KNDC1: variants seen among roughly 807,000 people sequenced by gnomAD.
KNDC1 encodes kinase non-catalytic C-lobe domain containing 1, also known as kinase non-catalytic C-lobe domain-containing protein 1.
KNDC1 carries 106 observed loss-of-function variants against 172.8 expected under a neutral mutation model. That is an observed-to-expected ratio of 0.61 (90% CI 0.52 to 0.72). The LOEUF is 0.72. Ranked by LOEUF, KNDC1 falls within the 30% of genes least tolerant of loss-of-function variation. The pLI is 0.00. For missense variants in KNDC1, 2,325 were observed against 2,394.5 expected (o/e 0.97, Z 0.61); for synonymous variants, 1,083 against 1,062.2 (o/e 1.02, Z -0.38).
At chr10:133,188,721 C>T (rs1418282901) in intron 7 of KNDC1, 68 bp downstream of exon 7, 10 of 676,414 alleles carry the variant, frequency 1.5e-5, no homozygotes, top group African/African-American at 7.2e-5. Context: ...CCCCCACCGC[C>T]GTCCCACACC....
chr10:133,188,782 C>A, intron 7 of KNDC1, 129 bp downstream of exon 7: 1 of 591,128 alleles, frequency 1.7e-6, no homozygotes, highest in Non-Finnish European at 3.1e-6. Context: ...TGTCCCATCA[C>A]CCCTGCCGTC....
At chr10:133,183,151 C>T (rs988251480) in intron 3 of KNDC1, among the ~76,000 whole-genome samples, 193 bp from the exon 4 acceptor site, 20 of 151,018 alleles carry the variant, frequency 1.3e-4, no homozygotes, top group African/African-American at 3.9e-4. Flanking sequence ...GCAGCGTGGG[C>T]GCGGGCGGCG....
intron 1 of KNDC1, among the ~76,000 whole-genome samples, chr10:133,162,889 T>C (rs993777465): frequency 5.9e-5 from 9 of 152,222 alleles, no homozygotes; most frequent in Admixed American, 2.0e-4. Context: ...GTGAGAACAC[T>C]CTCAGCTGGA....
intron 10 of KNDC1, among the ~76,000 whole-genome samples, chr10:133,196,605 A>C (rs1488616182): frequency 6.6e-6 from 1 of 152,146 alleles, no homozygotes; most frequent in African/African-American, 2.4e-5. Flanking sequence ...GGAGGATGAG[A>C]TCTAGACACG....
chr10:133,201,576 C>T lies in KNDC1; in HGVS notation c.3065C>T (p.Ser1022Leu), dbSNP rs1285754183. The T allele has an allele frequency of 4.3e-6, 7 of 1,612,766 alleles. No individual in the cohort carries two copies. The highest frequency in any genetic ancestry group is 1.1e-5 in the South Asian group (1 of 91,064). The change falls in exon 17 of 30, where the codon TCG becomes TTG. Residue 1022 changes from serine to leucine, a missense_variant. By Grantham distance (145) the Ser-to-Leu change is moderately radical. Transcript: ENST00000304613. ...CSPTSVSDVD[S>L]DALSRGNFEV... is the part of the protein sequence containing the mutation. ...CCCACCTCGGTGTCGGATGTGGACT[C>T]GGACGCACTGTCACGGGGAAACTTC...
At chr10:133,222,490 GGTGTGTGT>G (rs372988806) in intron 29 of KNDC1, among the ~76,000 whole-genome samples, 205 of 22,098 alleles carry the variant, frequency 9.3e-3, no homozygotes, top group African/African-American at 0.026. Flanking sequence ...TGCTCTTCCC[GGTGTGTGT>G]GTGTGTGTGT....
rs946058288 is a variant in KNDC1, at chr10:133,214,110, C to A, written c.4665C>A (p.Ser1555Arg). 1.2e-6 allele frequency: 2 copies of A among 1,614,068 alleles called. No homozygotes were observed. Among genetic ancestry groups the A allele is most frequent in the African/African-American group, 2.7e-5 (2 of 75,066 alleles). ...STWVAAEIVT[S>R]HTSKLQVNLL... is the part of the protein sequence containing the mutation. The stretch of plus-strand genomic sequence containing the variant: ...GGGTGGCTGCAGAGATTGTGACCAG[C>A]CACACCTCCAAGGTGGGCACCCTAC... Residue 1555 changes from serine to arginine, a missense_variant, in exon 26 of 30, where the codon AGC (serine) becomes AGA (arginine). Physicochemically the swap from Ser to Arg is moderately radical, Grantham distance 110 (BLOSUM62 -1). Coordinates refer to ENST00000304613, the MANE Select transcript of KNDC1 (RefSeq NM_152643.8).
In KNDC1 at chr10:133,175,191, GATGGGTGC is replaced by G. The variant is rs1435813510; in HGVS notation, c.360+6884_360+6891del. ...GGATATGTGGATGGATGAGTGGGTG[GATGGGTGC>G]ATGGTGGATATGTGGATGGATGGGT... On this transcript the variant is annotated intron_variant, in intron 3 of 29. Transcript: ENST00000304613. Among the ~76,000 whole-genome samples, 114 of 141,412 alleles carry G rather than the reference GATGGGTGC, an allele frequency of 8.1e-4. 2 individuals are homozygous for G. In the East Asian group the frequency reaches 0.019, roughly 24 times the overall value. 92.8% of individuals were successfully genotyped at this position (141,412 alleles called of 152,430 possible).
chr10:133,183,232 G>T, intron 3 of KNDC1, 112 bp from the exon 4 acceptor site: 1 of 1,293,434 alleles, frequency 7.7e-7, no homozygotes. Flanking sequence ...CTTCCCCTCA[G>T]GGGAATCTCA....
chr10:133,207,702 G>A (rs1188280766), intron 20 of KNDC1, among the ~76,000 whole-genome samples: 2 of 152,256 alleles, frequency 1.3e-5, no homozygotes, highest in African/African-American at 4.8e-5. Flanking sequence ...CCAACTCACC[G>A]AGTCAGAACA....
intron 9 of KNDC1, among the ~76,000 whole-genome samples, chr10:133,193,074 A>G (rs1179038665): frequency 6.7e-6 from 1 of 148,654 alleles, no homozygotes; most frequent in Admixed American, 6.8e-5. Context: ...AAAGAGAGAG[A>G]AACAGCAGCT....
rs764428140 is a variant in KNDC1, at chr10:133,218,920, C to T, written c.4767C>T (p.Ser1589=). The part of the protein sequence containing the change: ...RNFATAMQIL[S]GLEHLAVRQS... ...TCGCGACAGCCATGCAGATCCTGAG[C>T]GGGCTGGAGCACCTGGCCGTGAGGC... is the stretch of plus-strand genomic sequence containing the variant. Residue 1589 remains serine, a synonymous_variant, in exon 27 of 30, where the codon AGC becomes AGT. Coordinates refer to ENST00000304613, the MANE Select transcript of KNDC1 (RefSeq NM_152643.8). 30 of 1,613,682 alleles carry T rather than the reference C, an allele frequency of 1.9e-5. No homozygotes were observed. The highest frequency in any genetic ancestry group is 5.0e-5 in the Admixed American group (3 of 60,002).
intron 3 of KNDC1, among the ~76,000 whole-genome samples, chr10:133,177,991 G>GGT (rs1296136801): frequency 6.8e-6 from 1 of 147,616 alleles, no homozygotes; most frequent in African/African-American, 2.5e-5. Context: ...TGTGCAGTGT[G>GGT]GTGTGCATGT....
rs60994797 is a variant in KNDC1, at chr10:133,225,994, A to G, written c.*1104A>G. ...GGGCTCTCACGGTGCCAATCACAAG[A>G]CCCAGGGTTGTGCTTTTGAGTTTTA... On this transcript the variant is annotated 3_prime_UTR_variant, in exon 30 of 30. Coordinates refer to ENST00000304613, the MANE Select transcript of KNDC1 (RefSeq NM_152643.8). 1 of 152,268 alleles carries G rather than the reference A, an allele frequency of 6.6e-6. No individual in the cohort carries two copies. Among genetic ancestry groups the G allele is most frequent in the African/African-American group, 2.4e-5 (1 of 41,542 alleles). 9.4% of individuals were successfully genotyped at this position (152,268 alleles called of 1,614,324 possible).
At position 133,204,780 on chromosome 10, in the gene KNDC1, G is replaced by A. The variant is rs569872179; in HGVS notation, c.3388-1905G>A. ...CTGAGCCAACCGCACTTCACAAAAG[G>A]AAGCCTGGTGGACCGGCTCGCGGAT... On this transcript the variant is annotated intron_variant, in intron 17 of 29. Coordinates refer to ENST00000304613, the MANE Select transcript of KNDC1 (RefSeq NM_152643.8). Among the ~76,000 whole-genome samples the A allele has an allele frequency of 3.7e-4, 57 of 152,212 alleles. 1 individual carries two copies. Among genetic ancestry groups the A allele is most frequent in the Non-Finnish European group, 7.2e-4 (49 of 67,986 alleles).
In KNDC1 at chr10:133,210,562, T is replaced by C. The variant is rs759381055; in HGVS notation, c.3795-49T>C. Reference sequence around the variant, plus strand: ...CCACCACCGAACACTAGCCGAGCCCTGGGGTGCGGCCACCCCACCACCTCA... The same window carrying C: ...CCACCACCGAACACTAGCCGAGCCCCGGGGTGCGGCCACCCCACCACCTCA... On this transcript the variant is annotated intron_variant, in intron 20 of 29. Transcript: ENST00000304613. The C allele has an allele frequency of 5.5e-5, 63 of 1,139,640 alleles. 1 individual carries two copies. The East Asian group carries it at 1.4e-3, about 25-fold the overall frequency. The allele number at this position is 1,139,640 out of a possible 1,614,324, so 70.6% of individuals were successfully genotyped here.
intron 3 of KNDC1, among the ~76,000 whole-genome samples, chr10:133,177,756 A>C (rs1362315086): frequency 6.6e-6 from 1 of 151,644 alleles, no homozygotes. Flanking sequence ...CATGGTGTGC[A>C]TACATGTGTG....
chr10:133,183,546 G>A, intron 4 of KNDC1, 56 bp downstream of exon 4: 1 of 1,521,174 alleles, frequency 6.6e-7, no homozygotes, highest in Non-Finnish European at 8.8e-7. Context: ...CACAGGCCTG[G>A]ACACCGTGTG....
At chr10:133,189,519 G>A (rs1854019895) in intron 7 of KNDC1, 79 bp from the exon 8 acceptor site, 4 of 1,380,050 alleles carry the variant, frequency 2.9e-6, no homozygotes, top group Non-Finnish European at 2.0e-6. Flanking sequence ...CCTGACTGAG[G>A]CTCCGCAGCT....
Sources: gnomAD v4.1 joint callset for allele counts (sites outside exome capture counted in the v4.1 genomes callset) on GRCh38, gnomAD v4.1.1 for gene constraint, MANE v1.5 for transcripts, NCBI Gene and HGNC (gene_info 2026-07-23, HGNC 2026-07-21) for gene names.